Variants in BCL2L11 observed in about 807,000 individuals in gnomAD.
BCL2L11 encodes BCL2 like 11.
BCL2L11 carries 15 observed loss-of-function variants against 20.6 expected under a neutral mutation model. The ratio of observed to expected loss-of-function variants is 0.73; its 90% CI spans 0.49 to 1.12. The LOEUF is 1.12. Ranked by LOEUF, BCL2L11 falls within the 50% of genes most tolerant of loss-of-function variation. BCL2L11 has a pLI of 0.00. For missense variants in BCL2L11, 292 were observed against 260.9 expected, an observed-to-expected ratio of 1.12 and a Z score of -0.82; for synonymous variants, 108 against 92.8, an observed-to-expected ratio of 1.16 and a Z score of -0.94.
chr2:111,142,440 C>T (rs1306511543), intron 2 of BCL2L11: 1 of 1,418,466 alleles, frequency 7.0e-7, no homozygotes, highest in Non-Finnish European at 9.7e-7. Flanking sequence ...GAAGCAGCTG[C>T]CTTTTGTGAC....
chr2:111,138,726 C>CT (rs2075329122), intron 2 of BCL2L11, among the ~76,000 whole-genome samples: 1 of 152,212 alleles, frequency 6.6e-6, no homozygotes, highest in Non-Finnish European at 1.5e-5. Flanking sequence ...TGGTAGCTGT[C>CT]TCCCCCACAG....
intron 2 of BCL2L11, among the ~76,000 whole-genome samples, chr2:111,147,346 T>TCACACA (rs70962921): frequency 2.4e-4 from 33 of 137,330 alleles, no homozygotes; most frequent in Non-Finnish European, 2.8e-4. Context: ...TCTCTCTCTC[T>TCACACA]CACACACACA....
intron 3 of BCL2L11, among the ~76,000 whole-genome samples, chr2:111,158,669 C>CA (rs1477506842): frequency 1.2e-4 from 18 of 152,176 alleles, no homozygotes; most frequent in Admixed American, 1.2e-3. Context: ...CTCTGCATCT[C>CA]AGAGTTCTAT....
intron 1 of BCL2L11, chr2:111,122,847 C>G (rs555358130): frequency 2.0e-6 from 2 of 985,396 alleles, no homozygotes; most frequent in Non-Finnish European, 2.4e-6. Context: ...GGCGCCCGGT[C>G]GGCGAAGGGC....
intron 2 of BCL2L11, among the ~76,000 whole-genome samples, chr2:111,133,184 C>T (rs1190716007): frequency 1.3e-5 from 2 of 152,140 alleles, no homozygotes; most frequent in South Asian, 2.1e-4. Context: ...TTTACTCAAT[C>T]ATAAGCTATA....
intron 2 of BCL2L11, among the ~76,000 whole-genome samples, chr2:111,129,765 A>G (rs1004624512): frequency 5.3e-5 from 8 of 152,218 alleles, no homozygotes; most frequent in African/African-American, 1.9e-4. Flanking sequence ...TTATAGCCAC[A>G]GCCACCTTTC....
rs765527733 is a variant in BCL2L11, at chr2:111,164,196, C to A, written c.562C>A (p.Arg188Ser). Residue 188 changes from arginine (R) to serine (S), a missense_variant, in exon 4 of 4, where the codon CGT becomes AGT. Transcript: ENST00000393256. Reference sequence around the variant, plus strand: ...ACGAATGGTTATCTTACGACTGTTACGTTACATTGTCCGCCTGGTGTGGAG... The same window carrying A: ...ACGAATGGTTATCTTACGACTGTTAAGTTACATTGTCCGCCTGGTGTGGAG... ...HPRMVILRLLRYIVRLVWRMH is the reference protein window; with the variant it reads ...HPRMVILRLLSYIVRLVWRMH The A allele has an allele frequency of 1.2e-6, 2 of 1,611,870 alleles. No homozygotes were observed. The highest frequency in any genetic ancestry group is 1.7e-6 in the Non-Finnish European group (2 of 1,178,378).
chr2:111,141,681 A>G (rs1281020683), intron 2 of BCL2L11, among the ~76,000 whole-genome samples: 1 of 147,728 alleles, frequency 6.8e-6, no homozygotes, highest in African/African-American at 2.6e-5. Context: ...AATAATAATA[A>G]TAATCCCAAT....
rs998915916 is a variant in BCL2L11, at chr2:111,120,965, A to G, written c.-237A>G. The G allele has an allele frequency of 5.4e-6, 2 of 368,474 alleles. No homozygotes were observed. The highest frequency in any genetic ancestry group is 9.4e-6 in the Non-Finnish European group (2 of 213,192). 22.8% of individuals were successfully genotyped at this position (368,474 alleles called of 1,614,324 possible). A position where few individuals can be genotyped will look rare whatever the true frequency, so the allele number is the denominator to read the frequency against. ...TGCAGTTTGTTGGAGCTCTGCGTCC[A>G]GCGCCGCTGCCGCTGCCGCCGCCGC... On this transcript the variant is annotated 5_prime_UTR_variant, in exon 1 of 4. Transcript: ENST00000393256.
rs530555194 is a variant in BCL2L11 at position 111,154,362 on chromosome 2, A to C, written c.498+4215A>C. Among the ~76,000 whole-genome samples, 7 of 152,120 alleles carry C rather than the reference A, an allele frequency of 4.6e-5. No homozygotes were observed. The South Asian group carries it at 1.5e-3, about 32-fold the overall frequency. On this transcript the variant is annotated intron_variant, in intron 3 of 3. Transcript: ENST00000393256. ...AACAATGCCCTTCTCAGAAAAAAAA[A>C]AAAAAAAGAAAAAATGTATTTTCTG...
chr2:111,147,388 A>ACC (rs1247920744), intron 2 of BCL2L11, among the ~76,000 whole-genome samples: 65 of 143,346 alleles, frequency 4.5e-4, no homozygotes, highest in South Asian at 6.9e-4. Context: ...ACACACACAC[A>ACC]CACCCGCCAT....
At chr2:111,126,347 G>T (rs990397626) in intron 2 of BCL2L11, among the ~76,000 whole-genome samples, 1 of 152,158 alleles carries the variant, frequency 6.6e-6, no homozygotes, top group Non-Finnish European at 1.5e-5. Flanking sequence ...TTATACCTGT[G>T]AAGTAAAGTA....
At chr2:111,126,292 A>G (rs1411540926) in intron 2 of BCL2L11, among the ~76,000 whole-genome samples, 1 of 152,196 alleles carries the variant, frequency 6.6e-6, no homozygotes, top group Non-Finnish European at 1.5e-5. Context: ...TGAAATATAC[A>G]GGGCTTCAAA....
At chr2:111,132,609 G>A (rs2074151113) in intron 2 of BCL2L11, among the ~76,000 whole-genome samples, 1 of 152,200 alleles carries the variant, frequency 6.6e-6, no homozygotes. Flanking sequence ...CTCTTTTTAA[G>A]TTGGCTTTGC....
chr2:111,148,950 C>T (rs1191171390), intron 2 of BCL2L11, among the ~76,000 whole-genome samples: 1 of 152,128 alleles, frequency 6.6e-6, no homozygotes, highest in African/African-American at 2.4e-5. Flanking sequence ...AGTTATGTTC[C>T]TTCGTATGGC....
At chr2:111,156,079 A>T (rs1253356106) in intron 3 of BCL2L11, among the ~76,000 whole-genome samples, 1 of 152,154 alleles carries the variant, frequency 6.6e-6, no homozygotes, top group East Asian at 1.9e-4. Context: ...AATGGTAGTC[A>T]CTCTTCTGTG....
rs560910541 is a variant in BCL2L11, at chr2:111,138,303, C to T, written c.395-11741C>T. Among the ~76,000 whole-genome samples the T allele has an allele frequency of 1.3e-5, 2 of 152,312 alleles. 1 individual carries two copies. Among genetic ancestry groups the T allele is most frequent in the East Asian group, 3.9e-4 (2 of 5,190 alleles). On this transcript the variant is annotated intron_variant, in intron 2 of 3. Transcript: ENST00000393256. The stretch of plus-strand genomic sequence containing the variant: ...AGATTACAGGCGTTGAGCCACTGCT[C>T]CTGGCCACAGGTGGTCTTTTCTGTG...
chr2:111,150,909 TG>T (rs2077179668), intron 3 of BCL2L11, among the ~76,000 whole-genome samples: 1 of 48,844 alleles, frequency 2.0e-5, no homozygotes, highest in South Asian at 3.6e-4. Flanking sequence ...TTTGTTTGTG[TG>T]TGTGTTTGTT....
intron 2 of BCL2L11, 116 bp downstream of exon 2, chr2:111,124,255 T>C (rs2150149045): frequency 8.1e-7 from 1 of 1,239,464 alleles, no homozygotes; most frequent in South Asian, 1.6e-5. Flanking sequence ...ATTCCATCTT[T>C]AGATGGGAAT....
Sources: allele counts gnomAD v4.1 joint callset (sites outside exome capture counted in the v4.1 genomes callset), GRCh38; gene constraint gnomAD v4.1.1; transcripts MANE v1.5; gene names NCBI Gene and HGNC (gene_info 2026-07-23, HGNC 2026-07-21).